TFDP2: variants seen among roughly 807,000 people sequenced by gnomAD.
TFDP2 encodes the protein transcription factor Dp-2 (E2F dimerization partner 2).
A neutral mutation model predicts 59.3 loss-of-function variants in TFDP2; 17 were observed. The observed-to-expected ratio is 0.29, with a 90% CI of 0.20 to 0.43. The LOEUF is 0.43. TFDP2 is among the 20% of genes least tolerant of loss of function. The pLI, the probability that TFDP2 is intolerant of heterozygous loss-of-function variation, is 1.00. For synonymous variants in TFDP2, 180 were observed against 194.7 expected (o/e 0.92, Z 0.63); for missense variants, 391 against 528.8 (o/e 0.74, Z 2.56).
intron 10 of TFDP2, among the ~76,000 whole-genome samples, chr3:141,960,183 A>G (rs1937186095): frequency 6.6e-6 from 1 of 152,192 alleles, no homozygotes; most frequent in African/African-American, 2.4e-5. Flanking sequence ...CTACTTTAAT[A>G]TTACGATATC....
rs532954624 is a variant in TFDP2, at chr3:142,135,577, C to T, written c.-93+13606G>A. ...CCCAGCCTCCCACCCCATGACAGGC[C>T]CTGGTGTGTGATGCTTCCTGCCCTG... On this transcript the variant is annotated intron_variant, in intron 1 of 12. Transcript: ENST00000489671. 2.0e-3 allele frequency among the ~76,000 whole-genome samples: 310 copies of T among 152,018 alleles called. 11 individuals are homozygous for T. The highest frequency in any genetic ancestry group is 1.3e-4 in the Non-Finnish European group (9 of 67,996).
At chr3:141,954,934 T>A (rs1370660605) in intron 11 of TFDP2, among the ~76,000 whole-genome samples, 1 of 152,108 alleles carries the variant, frequency 6.6e-6, no homozygotes, top group African/African-American at 2.4e-5. Flanking sequence ...CTATGCTAAT[T>A]TTAGAACCGT....
chr3:142,010,215 A>G (rs1264818135), intron 3 of TFDP2, among the ~76,000 whole-genome samples: 2 of 152,222 alleles, frequency 1.3e-5, no homozygotes, highest in Non-Finnish European at 2.9e-5. Context: ...TTATAAATCA[A>G]TAAGAAAAAG....
chr3:142,038,406 A>AAAAG (rs1946799243), intron 3 of TFDP2, among the ~76,000 whole-genome samples: 1 of 150,700 alleles, frequency 6.6e-6, no homozygotes, highest in Admixed American at 6.6e-5. Context: ...AAAAAAAAAA[A>AAAAG]AGAGAATAAG....
chr3:142,132,935 T>A, intron 1 of TFDP2, among the ~76,000 whole-genome samples: 1 of 149,872 alleles, frequency 6.7e-6, no homozygotes, highest in Middle Eastern at 3.4e-3. Flanking sequence ...CCCAAGTTAA[T>A]TTATAAATTC....
intron 3 of TFDP2, among the ~76,000 whole-genome samples, chr3:142,051,399 C>T (rs1489243753): frequency 1.1e-4 from 17 of 151,904 alleles, no homozygotes; most frequent in Admixed American, 1.1e-3. Context: ...ATTGGCTGGG[C>T]GTGGTGGTGT....
chr3:142,091,629 G>C (rs1188724659), intron 3 of TFDP2, among the ~76,000 whole-genome samples: 1 of 152,106 alleles, frequency 6.6e-6, no homozygotes, highest in Non-Finnish European at 1.5e-5. Context: ...TCTCTAGCCT[G>C]CTCTCTAGAA....
intron 3 of TFDP2, among the ~76,000 whole-genome samples, chr3:142,066,573 G>A (rs151259987): frequency 1.0e-3 from 153 of 152,226 alleles, no homozygotes; most frequent in African/African-American, 3.6e-3. Context: ...ATGGGTACTC[G>A]AAAGTATGGT....
At chr3:142,140,045 C>T (rs1263853517) in intron 1 of TFDP2, among the ~76,000 whole-genome samples, 2 of 152,206 alleles carry the variant, frequency 1.3e-5, no homozygotes, top group African/African-American at 4.8e-5. Flanking sequence ...TCCCATATTT[C>T]CTGGAGGCTT....
chr3:142,127,255 C>T (rs937323792), intron 1 of TFDP2, among the ~76,000 whole-genome samples: 2 of 148,460 alleles, frequency 1.3e-5, no homozygotes, highest in Non-Finnish European at 3.0e-5. Flanking sequence ...CACACCTCAA[C>T]CTTCTGAGTC....
chr3:142,003,221 G>T (rs1225093588), intron 4 of TFDP2, among the ~76,000 whole-genome samples: 1 of 151,946 alleles, frequency 6.6e-6, no homozygotes, highest in Admixed American at 6.6e-5. Flanking sequence ...GGATGGTCTC[G>T]ATCTCCTGAC....
At chr3:142,006,465 T>C in intron 3 of TFDP2, among the ~76,000 whole-genome samples, 1 of 136,928 alleles carries the variant, frequency 7.3e-6, no homozygotes, top group South Asian at 2.2e-4. Context: ...TTAATTCCCT[T>C]ACTATTTTTT....
intron 4 of TFDP2, among the ~76,000 whole-genome samples, chr3:141,999,217 T>C (rs919221518): frequency 6.6e-6 from 1 of 152,246 alleles, no homozygotes; most frequent in Non-Finnish European, 1.5e-5. Flanking sequence ...TCCACTTCCA[T>C]TTAATGAATT....
chr3:142,043,913 T>G, intron 3 of TFDP2: 1 of 899,756 alleles, frequency 1.1e-6, no homozygotes, highest in Non-Finnish European at 1.9e-6. Flanking sequence ...CGGCGCAGAA[T>G]CCACATGACC....
chr3:141,987,470 A>G (rs909384859), intron 6 of TFDP2, among the ~76,000 whole-genome samples: 1 of 150,760 alleles, frequency 6.6e-6, no homozygotes, highest in Admixed American at 6.6e-5. Flanking sequence ...TTTAGTAGAG[A>G]CTGGGTTTCA....
At chr3:142,031,482 T>C (rs1333774416) in intron 3 of TFDP2, among the ~76,000 whole-genome samples, 2 of 152,236 alleles carry the variant, frequency 1.3e-5, no homozygotes, top group Non-Finnish European at 2.9e-5. Context: ...TCTGCTCTGA[T>C]GTCTTTCTTG....
intron 1 of TFDP2, among the ~76,000 whole-genome samples, chr3:142,128,816 G>C (rs887250806): frequency 2.0e-5 from 3 of 151,894 alleles, no homozygotes; most frequent in East Asian, 3.8e-4. Flanking sequence ...AGAAAAGCTT[G>C]AGAAGAGTTC....
At chr3:142,042,632 T>TTC in intron 3 of TFDP2, among the ~76,000 whole-genome samples, 2 of 9,850 alleles carry the variant, frequency 2.0e-4, no homozygotes, top group East Asian at 2.9e-3. Context: ...TTTCTTTTCT[T>TTC]TTTTTTTTTT....
At chr3:141,965,498 AAAAAG>A (rs1937838097) in intron 9 of TFDP2, among the ~76,000 whole-genome samples, 1 of 150,606 alleles carries the variant, frequency 6.6e-6, no homozygotes, top group South Asian at 2.1e-4. Context: ...TCTCAAGAAG[AAAAAG>A]AAAAGAAAAA....
Sources: allele counts gnomAD v4.1 joint callset (sites outside exome capture counted in the v4.1 genomes callset), GRCh38; gene constraint gnomAD v4.1.1; transcripts MANE v1.5; gene names NCBI Gene and HGNC (gene_info 2026-07-23, HGNC 2026-07-21).